The following CD96 variants were observed in gnomAD, a reference collection of about 807,000 sequenced individuals.
CD96 encodes T-cell surface protein tactile.
A neutral mutation model predicts 71.3 loss-of-function variants in CD96; 70 were observed. The observed-to-expected ratio is 0.98, with a 90% CI of 0.81 to 1.20. CD96 has a LOEUF of 1.20. Ranked by LOEUF, CD96 falls within the 50% of genes most tolerant of loss-of-function variation. The pLI, the probability that CD96 is intolerant of heterozygous loss-of-function variation, is 0.00. For synonymous variants in CD96, 248 were observed against 233.0 expected (o/e 1.06, Z -0.59); for missense variants, 742 against 677.5 (o/e 1.10, Z -1.06).
chr3:111,544,390 A>C (rs1009118570), intron 1 of CD96, among the ~76,000 whole-genome samples: 1 of 151,808 alleles, frequency 6.6e-6, no homozygotes, highest in African/African-American at 2.4e-5. Flanking sequence ...TGATCTGCCC[A>C]CCTCAGCCTC....
intron 14 of CD96, among the ~76,000 whole-genome samples, chr3:111,661,433 A>T (rs1190869573): frequency 6.6e-6 from 1 of 152,212 alleles, no homozygotes; most frequent in African/African-American, 2.4e-5. Flanking sequence ...ACTCATTCCA[A>T]CATTAAGTAA....
At chr3:111,656,588 A>C (rs1940235283), downstream of CD96, among the ~76,000 whole-genome samples, 1 of 152,248 alleles carries the variant, frequency 6.6e-6, no homozygotes, top group African/African-American at 2.4e-5. Flanking sequence ...GTATTCACAA[A>C]GTATTTGAAA....
chr3:111,611,522 T>C (rs1172645956), intron 8 of CD96, among the ~76,000 whole-genome samples: 1 of 152,166 alleles, frequency 6.6e-6, no homozygotes, highest in Admixed American at 6.5e-5. Context: ...AGTGATTTGT[T>C]TGTGATAGCA....
At chr3:111,565,388 A>G (rs1442971292) in intron 2 of CD96, among the ~76,000 whole-genome samples, 1 of 152,150 alleles carries the variant, frequency 6.6e-6, no homozygotes, top group Non-Finnish European at 1.5e-5. Flanking sequence ...TCAAAAAGTA[A>G]TGCCACTTAT....
intron 3 of CD96, chr3:111,577,435 C>T: frequency 1.8e-6 from 2 of 1,086,802 alleles, no homozygotes; most frequent in East Asian, 2.3e-5. Flanking sequence ...ATACTTAGAG[C>T]TCCTCTGGGG....
intron 2 of CD96, among the ~76,000 whole-genome samples, chr3:111,555,882 A>G (rs574689525): frequency 4.6e-5 from 7 of 152,380 alleles, no homozygotes; most frequent in African/African-American, 1.7e-4. Flanking sequence ...TTCTTTTTCT[A>G]CTACTCCTGT....
intron 2 of CD96, among the ~76,000 whole-genome samples, chr3:111,548,427 G>A (rs1934526928): frequency 6.6e-6 from 1 of 152,090 alleles, no homozygotes; most frequent in Non-Finnish European, 1.5e-5. Flanking sequence ...TGTGAGGTTT[G>A]CCTCTTTTTC....
intron 5 of CD96, chr3:111,594,407 C>T: frequency 1.8e-6 from 1 of 542,684 alleles, no homozygotes; most frequent in Non-Finnish European, 3.3e-6. Flanking sequence ...CAGATACAAG[C>T]AAAACAGCCC....
intron 10 of CD96, among the ~76,000 whole-genome samples, chr3:111,635,859 C>T (rs939729796): frequency 5.3e-5 from 8 of 152,118 alleles, no homozygotes; most frequent in African/African-American, 1.9e-4. Flanking sequence ...AAAGGAGTCA[C>T]CATACCATAT....
intron 5 of CD96, chr3:111,592,751 A>G (rs1316869112): frequency 6.6e-6 from 1 of 152,232 alleles, no homozygotes; most frequent in Non-Finnish European, 1.5e-5. Context: ...AAATCAGATT[A>G]TATTTTAACT....
At chr3:111,606,234 T>C (rs975910615) in intron 7 of CD96, among the ~76,000 whole-genome samples, 2 of 152,286 alleles carry the variant, frequency 1.3e-5, no homozygotes, top group African/African-American at 2.4e-5. Context: ...TTACATCCAA[T>C]TGGGTAGTTG....
chr3:111,555,307 T>A (rs950866566), intron 2 of CD96, among the ~76,000 whole-genome samples: 3 of 152,302 alleles, frequency 2.0e-5, no homozygotes, highest in Non-Finnish European at 2.9e-5. Flanking sequence ...TACTCACGTA[T>A]TTACCATTTT....
At chr3:111,582,339 A>G (rs1936505762) in intron 4 of CD96, among the ~76,000 whole-genome samples, 1 of 152,204 alleles carries the variant, frequency 6.6e-6, no homozygotes, top group African/African-American at 2.4e-5. Context: ...ACTTGAAGCC[A>G]CTTCTGTTCA....
rs60838213 is a variant in CD96, at chr3:111,546,919, T to TACACACACACACACACACACACACAC, written c.418+1520_418+1545dup. On this transcript the variant is annotated intron_variant, in intron 2 of 13. Coordinates refer to ENST00000352690, the MANE Select transcript of CD96 (RefSeq NM_005816.5). ...CCACACACACACACACACAGACACA[T>TACACACACACACACACACACACACAC]ACACACACACACACACACACACACA... Among the ~76,000 whole-genome samples, 648 of 138,142 alleles carry TACACACACACACACACACACACACAC rather than the reference T, an allele frequency of 4.7e-3. 24 individuals are homozygous for TACACACACACACACACACACACACAC. The highest frequency in any genetic ancestry group is 0.017 in the South Asian group (67 of 3,996). The allele number at this position is 138,142 out of a possible 152,430, so 90.6% of individuals were successfully genotyped here. A position where few individuals can be genotyped will look rare whatever the true frequency, so the allele number is the denominator to read the frequency against.
At chr3:111,561,521 G>GGGGGTCA (rs1193260471) in intron 2 of CD96, among the ~76,000 whole-genome samples, 3 of 147,942 alleles carry the variant, frequency 2.0e-5, no homozygotes, top group African/African-American at 4.9e-5. Flanking sequence ...TAGGCTGCTC[G>GGGGGTCA]GGGGTCAGGG....
intron 5 of CD96, chr3:111,595,530 C>A (rs1476541148): frequency 6.6e-6 from 1 of 152,068 alleles, no homozygotes; most frequent in Non-Finnish European, 1.5e-5. Flanking sequence ...ACCCCCTCCA[C>A]CACCAAGAAA....
At chr3:111,548,581 T>C (rs1934534421) in intron 2 of CD96, among the ~76,000 whole-genome samples, 1 of 152,166 alleles carries the variant, frequency 6.6e-6, no homozygotes, top group African/African-American at 2.4e-5. Context: ...CTTCAGATTG[T>C]AAGATTTTGG....
intron 5 of CD96, among the ~76,000 whole-genome samples, chr3:111,597,050 A>G (rs1226502651): frequency 2.0e-5 from 3 of 152,210 alleles, no homozygotes; most frequent in African/African-American, 7.2e-5. Context: ...ATAGGCCCAG[A>G]CTTCTTGGGA....
At chr3:111,577,677 A>G (rs1576340597) in intron 3 of CD96, 3 of 773,580 alleles carry the variant, frequency 3.9e-6, no homozygotes, top group Admixed American at 3.6e-5. Flanking sequence ...GGTGTCTTAC[A>G]TAAGAGTTTC....
Sources: allele counts gnomAD v4.1 joint callset (sites outside exome capture counted in the v4.1 genomes callset), GRCh38; gene constraint gnomAD v4.1.1; transcripts MANE v1.5; gene names NCBI Gene and HGNC (gene_info 2026-07-23, HGNC 2026-07-21).